EPHA3: variants seen among roughly 807,000 people sequenced by gnomAD.
EPHA3 encodes ephrin type-A receptor 3.
Under a neutral mutation model 107.1 loss-of-function variants are expected in EPHA3, and 42 were observed. The observed-to-expected ratio is 0.39, with a 90% CI of 0.31 to 0.51. The LOEUF is 0.51. Ranked by LOEUF, EPHA3 falls within the 20% of genes least tolerant of loss-of-function variation. The probability of loss-of-function intolerance (pLI) is 0.78; values close to 1 mark genes in which losing one functional copy is unlikely to be tolerated. For synonymous variants in EPHA3, 461 were observed against 424.8 expected (o/e 1.09, Z -1.05); for missense variants, 1,183 against 1,211.2 (o/e 0.98, Z 0.35).
intron 2 of EPHA3, among the ~76,000 whole-genome samples, chr3:89,136,515 G>A (rs1253895165): frequency 6.6e-6 from 1 of 151,194 alleles, no homozygotes; most frequent in African/African-American, 2.4e-5. Context: ...TTTTTCTGTT[G>A]CTAACACTAT....
intron 3 of EPHA3, among the ~76,000 whole-genome samples, chr3:89,222,781 A>C (rs1230040893): frequency 1.3e-5 from 2 of 152,132 alleles, no homozygotes; most frequent in African/African-American, 4.8e-5. Flanking sequence ...AAATACGTTA[A>C]TAAATATAAT....
chr3:89,155,488 A>C (rs1704781637), intron 2 of EPHA3, among the ~76,000 whole-genome samples: 1 of 152,064 alleles, frequency 6.6e-6, no homozygotes, highest in African/African-American at 2.4e-5. Context: ...TCATATAGAT[A>C]AAAGAGTAAA....
intron 5 of EPHA3, among the ~76,000 whole-genome samples, chr3:89,379,956 A>G (rs1576346531): frequency 6.6e-6 from 1 of 152,194 alleles, no homozygotes; most frequent in Admixed American, 6.5e-5. Flanking sequence ...AACCTACACA[A>G]CTTTCAATAG....
At chr3:89,437,880 G>A (rs1032441830) in intron 13 of EPHA3, among the ~76,000 whole-genome samples, 1 of 152,058 alleles carries the variant, frequency 6.6e-6, no homozygotes, top group African/African-American at 2.4e-5. Flanking sequence ...GAAAGTTTGA[G>A]AAAACAAATT....
At chr3:89,470,598 C>T (rs190934819) in intron 15 of EPHA3, among the ~76,000 whole-genome samples, 5 of 152,156 alleles carry the variant, frequency 3.3e-5, no homozygotes, top group Admixed American at 1.3e-4. Context: ...GGGATTCAAC[C>T]CAGGCCTTAC....
intron 3 of EPHA3, among the ~76,000 whole-genome samples, chr3:89,268,234 G>C (rs1360492370): frequency 6.6e-6 from 1 of 152,066 alleles, no homozygotes; most frequent in Non-Finnish European, 1.5e-5. Flanking sequence ...GTTTGAGAGG[G>C]ATTAAAATTC....
chr3:89,339,795 G>T (rs1707476368), intron 3 of EPHA3, among the ~76,000 whole-genome samples: 1 of 152,108 alleles, frequency 6.6e-6, no homozygotes, highest in South Asian at 2.1e-4. Context: ...GGCCTATTCT[G>T]TATATAAGTT....
In EPHA3 at chr3:89,338,859, T is replaced by C. The variant is rs569497280; in HGVS notation, c.815-2057T>C. 5.9e-5 allele frequency among the ~76,000 whole-genome samples: 9 copies of C among 152,316 alleles called. No individual in the cohort carries two copies. In the East Asian group the frequency reaches 1.7e-3, roughly 29 times the overall value. ...TTTTTGTTTCTATTACAGATGGCTATACTATACGATACTTGAAAAGAGAGT... is the reference window on the plus strand; with the variant it reads ...TTTTTGTTTCTATTACAGATGGCTACACTATACGATACTTGAAAAGAGAGT... On this transcript the variant is annotated intron_variant, in intron 3 of 16. Coordinates refer to ENST00000336596, the MANE Select transcript of EPHA3 (RefSeq NM_005233.6).
At chr3:89,232,086 G>T (rs1576250550) in intron 3 of EPHA3, among the ~76,000 whole-genome samples, 1 of 152,030 alleles carries the variant, frequency 6.6e-6, no homozygotes, top group Non-Finnish European at 1.5e-5. Context: ...AGGTCAGAAG[G>T]TGCCCTTTCT....
intron 3 of EPHA3, among the ~76,000 whole-genome samples, chr3:89,328,845 T>C (rs1304639811): frequency 6.6e-6 from 1 of 152,174 alleles, no homozygotes; most frequent in Non-Finnish European, 1.5e-5. Context: ...CAGTAAATGC[T>C]GCTTTTTACA....
chr3:89,199,623 T>A (rs373263247), intron 2 of EPHA3, among the ~76,000 whole-genome samples: 6 of 152,322 alleles, frequency 3.9e-5, no homozygotes, highest in Admixed American at 1.3e-4. Flanking sequence ...CACCCCACCA[T>A]ATCTCAGGTT....
intron 14 of EPHA3, 41 bp from the exon 15 acceptor site, chr3:89,450,136 T>C (rs776183590): frequency 6.6e-7 from 1 of 1,512,562 alleles, no homozygotes; most frequent in East Asian, 2.3e-5. Flanking sequence ...TGACACTTCC[T>C]GAAAACTTCC....
intron 16 of EPHA3, among the ~76,000 whole-genome samples, chr3:89,474,406 C>G (rs898263304): frequency 2.6e-5 from 4 of 152,130 alleles, no homozygotes; most frequent in Non-Finnish European, 5.9e-5. Flanking sequence ...GATACAGTCT[C>G]AGGATATAGT....
At chr3:89,312,549 G>T (rs1325869655) in intron 3 of EPHA3, among the ~76,000 whole-genome samples, 1 of 150,982 alleles carries the variant, frequency 6.6e-6, no homozygotes, top group Non-Finnish European at 1.5e-5. Context: ...TTATTATATT[G>T]ATATTTTCAT....
intron 2 of EPHA3, among the ~76,000 whole-genome samples, chr3:89,170,015 G>C (rs1410989006): frequency 1.3e-5 from 2 of 152,054 alleles, no homozygotes; most frequent in Non-Finnish European, 2.9e-5. Flanking sequence ...TTGGGAGGCC[G>C]AGGCGGGTAG....
intron 5 of EPHA3, among the ~76,000 whole-genome samples, chr3:89,355,576 G>T (rs1302837561): frequency 6.6e-6 from 1 of 150,888 alleles, no homozygotes; most frequent in Non-Finnish European, 1.5e-5. Context: ...TTGCAATTTT[G>T]TTTAGAAATG....
intron 11 of EPHA3, among the ~76,000 whole-genome samples, chr3:89,421,817 A>T: frequency 6.6e-6 from 1 of 151,386 alleles, no homozygotes; most frequent in East Asian, 1.9e-4. Flanking sequence ...AGACTGACAA[A>T]TCTATGAAAC....
chr3:89,460,823 C>CTTTTTTTTTTTTTTTTTT (rs753656853), intron 15 of EPHA3, among the ~76,000 whole-genome samples: 32 of 102,922 alleles, frequency 3.1e-4, no homozygotes, highest in African/African-American at 9.6e-4. Context: ...CTCTGTCTCT[C>CTTTTTTTTTTTTTTTTTT]TTTTTTTTTT....
At chr3:89,283,575 A>G (rs915426005) in intron 3 of EPHA3, among the ~76,000 whole-genome samples, 5 of 152,200 alleles carry the variant, frequency 3.3e-5, no homozygotes, top group African/African-American at 1.2e-4. Flanking sequence ...ATGACATTTT[A>G]CATATGCATT....
Sources: gnomAD v4.1 joint callset for allele counts (sites outside exome capture counted in the v4.1 genomes callset) on GRCh38, gnomAD v4.1.1 for gene constraint, MANE v1.5 for transcripts, NCBI Gene and HGNC (gene_info 2026-07-23, HGNC 2026-07-21) for gene names.